Variants in IPO9 observed in about 807,000 individuals in gnomAD.
IPO9 encodes the protein importin 9, also known as importin-9.
Under a neutral mutation model 128.6 loss-of-function variants are expected in IPO9, and 28 were observed. The ratio of observed to expected loss-of-function variants is 0.22; its 90% CI spans 0.16 to 0.30. IPO9 has a LOEUF of 0.30. Ranked by LOEUF, IPO9 falls within the 10% of genes least tolerant of loss-of-function variation. The pLI, the probability that IPO9 is intolerant of heterozygous loss-of-function variation, is 1.00. For missense variants in IPO9, 935 were observed against 1,293.9 expected (o/e 0.72, Z 4.26); for synonymous variants, 455 against 475.8 (o/e 0.96, Z 0.57).
At chr1:201,848,364 A>G in intron 3 of IPO9, 29 bp from the exon 4 acceptor site, 1 of 1,586,092 alleles carries the variant, frequency 6.3e-7, no homozygotes, top group Non-Finnish European at 8.7e-7. Flanking sequence ...AACCTGATCT[A>G]ATAGCAGGTG....
At chr1:201,846,722 T>A (rs1375906808) in intron 1 of IPO9, among the ~76,000 whole-genome samples, 1 of 151,920 alleles carries the variant, frequency 6.6e-6, no homozygotes, top group Admixed American at 6.6e-5. Context: ...CAGGCTGGAG[T>A]ACAATGGTGC....
Position 201,877,213 on chromosome 1 carries a change from G to A in IPO9, c.*1159G>A, listed in dbSNP as rs1306975637. 2.0e-5 allele frequency: 3 copies of A among 152,160 alleles called. No homozygotes were observed. The highest frequency in any genetic ancestry group is 4.4e-5 in the Non-Finnish European group (3 of 68,024). 9.4% of individuals were successfully genotyped at this position (152,160 alleles called of 1,614,324 possible). ...AGTAAATGAGGATTAGAAAATCATG[G>A]AGAGAGGCTGGGCGCGGTGGCTAAC... On this transcript the variant is annotated 3_prime_UTR_variant, in exon 24 of 24. Coordinates refer to ENST00000361565, the MANE Select transcript of IPO9 (RefSeq NM_018085.5).
intron 19 of IPO9, among the ~76,000 whole-genome samples, chr1:201,872,306 G>T (rs1680667754): frequency 6.6e-6 from 1 of 152,070 alleles, no homozygotes; most frequent in Non-Finnish European, 1.5e-5. Flanking sequence ...TCACCTCGTT[G>T]CACCTTACAA....
At chr1:201,834,479 C>G (rs1679890492) in intron 1 of IPO9, among the ~76,000 whole-genome samples, 1 of 152,070 alleles carries the variant, frequency 6.6e-6, no homozygotes, top group African/African-American at 2.4e-5. Flanking sequence ...TGTATTCGTG[C>G]TTTATTTTTT....
intron 15 of IPO9, 128 bp from the exon 16 acceptor site, chr1:201,868,520 G>A (rs559722950): frequency 2.2e-5 from 21 of 940,126 alleles, no homozygotes; most frequent in South Asian, 1.3e-4. Flanking sequence ...ACTAGGTCCC[G>A]GGTATGTGAT....
At chr1:201,846,466 A>G (rs1413782856) in intron 1 of IPO9, among the ~76,000 whole-genome samples, 2 of 151,888 alleles carry the variant, frequency 1.3e-5, no homozygotes, top group African/African-American at 4.8e-5. Flanking sequence ...TCTGCCTCCC[A>G]GGTTCAAACA....
Position 201,884,273 on chromosome 1 carries a change from A to G in IPO9, c.*8219A>G, listed in dbSNP as rs950721846. The stretch of plus-strand genomic sequence containing the variant: ...CATGGAGTGATTGTGAGGATTAAAT[A>G]AAGTTAATATAACACAAAGCACTTC... On this transcript the variant is annotated 3_prime_UTR_variant, in exon 24 of 24. Coordinates refer to ENST00000361565, the MANE Select transcript of IPO9 (RefSeq NM_018085.5). 7 of 152,274 alleles carry G rather than the reference A, an allele frequency of 4.6e-5. No homozygotes were observed. The highest frequency in any genetic ancestry group is 1.7e-4 in the African/African-American group (7 of 41,474). The allele number at this position is 152,274 out of a possible 1,614,324, so 9.4% of individuals were successfully genotyped here. A position where few individuals can be genotyped will look rare whatever the true frequency, so the allele number is the denominator to read the frequency against.
chr1:201,841,632 G>A (rs1680038176), intron 1 of IPO9, among the ~76,000 whole-genome samples: 2 of 152,202 alleles, frequency 1.3e-5, no homozygotes, highest in Admixed American at 1.3e-4. Flanking sequence ...GTTCCTTGGA[G>A]GAGAAGTTGA....
At chr1:201,873,057 A>T (rs1218358964) in intron 20 of IPO9, 96 bp downstream of exon 20, 1 of 1,317,524 alleles carries the variant, frequency 7.6e-7, no homozygotes, top group Non-Finnish European at 1.0e-6. Flanking sequence ...GTATATTTTT[A>T]AAACAATTGT....
intron 6 of IPO9, among the ~76,000 whole-genome samples, chr1:201,853,647 T>C (rs1680266426): frequency 6.6e-6 from 1 of 152,078 alleles, no homozygotes; most frequent in African/African-American, 2.4e-5. Context: ...ACCTCCCAGG[T>C]TCAAGCAATC....
chr1:201,870,773 G>T lies in IPO9; in HGVS notation c.2324G>T (p.Gly775Val). The change falls in exon 18 of 24, where the codon GGG becomes GTG. Residue 775 changes from glycine (G) to valine (V), a missense_variant. By Grantham distance (109) the Gly-to-Val change is moderately radical (BLOSUM62 -3). Around this residue, in one of 3 missense-constraint regions of IPO9, gnomAD observed 741 missense variants for 1,019.1 expected, o/e 0.73. Transcript: ENST00000361565. The surrounding 1 kb of genome is among the most constrained non-coding windows in gnomAD (Gnocchi z 4.9). The part of the protein sequence containing the change: ...RLVSTLISKA[G>V]RELGENLDQI... Reference sequence around the variant, plus strand: ...GTTTCCACCCTCATCTCCAAGGCAGGGCGGGAACTCGGGGAGAATCTAGAC... The same window carrying T: ...GTTTCCACCCTCATCTCCAAGGCAGTGCGGGAACTCGGGGAGAATCTAGAC... 4 of 1,614,194 alleles carry T rather than the reference G, an allele frequency of 2.5e-6. No homozygotes were observed. Among genetic ancestry groups the T allele is most frequent in the Non-Finnish European group, 3.4e-6 (4 of 1,180,038 alleles).
intron 15 of IPO9, among the ~76,000 whole-genome samples, chr1:201,868,307 C>CT (rs11412063): frequency 0.41 from 55,832 of 136,628 alleles, 10,835 homozygotes; most frequent in Non-Finnish European, 0.44. Flanking sequence ...ATCAGTTGGG[C>CT]TTTTTTTTTT....
chr1:201,840,060 C>T (rs946765998), intron 1 of IPO9, among the ~76,000 whole-genome samples: 6 of 152,160 alleles, frequency 3.9e-5, no homozygotes, highest in Non-Finnish European at 7.3e-5. Context: ...TTGAATTAAC[C>T]ATTTATCACC....
Position 201,875,930 on chromosome 1 carries a change from G to C in IPO9, c.3016-14G>C. 1.9e-6 allele frequency: 3 copies of C among 1,544,342 alleles called. No individual in the cohort carries two copies. Among genetic ancestry groups the C allele is most frequent in the African/African-American group, 2.7e-5 (2 of 73,532 alleles). Reference sequence around the variant, plus strand: ...GCAATGTCTCACTAATGCCACTCTTGCTCTTTCCTCCAGGCATATCTCACA... The same window carrying C: ...GCAATGTCTCACTAATGCCACTCTTCCTCTTTCCTCCAGGCATATCTCACA... On this transcript the variant is annotated splice_polypyrimidine_tract_variant and intron_variant, in intron 23 of 23. Transcript: ENST00000361565.
intron 4 of IPO9, among the ~76,000 whole-genome samples, chr1:201,850,102 G>T (rs1051246170): frequency 2.6e-5 from 4 of 152,204 alleles, no homozygotes; most frequent in Non-Finnish European, 5.9e-5. Context: ...ATGCTGAAGA[G>T]CTCTTATTGT....
chr1:201,848,263 G>A, intron 3 of IPO9, 130 bp from the exon 4 acceptor site: 4 of 727,376 alleles, frequency 5.5e-6, no homozygotes, highest in Non-Finnish European at 9.6e-6. Flanking sequence ...TCAAGTTTGT[G>A]TATAGGAGTT....
At position 201,852,881 on chromosome 1, in the gene IPO9, C is replaced by G. The variant is rs987029071; in HGVS notation, c.604-130C>G. 5 of 698,136 alleles carry G rather than the reference C, an allele frequency of 7.2e-6. No individual in the cohort carries two copies. The African/African-American group carries it at 8.9e-5, about 12-fold the overall frequency. 43.2% of individuals were successfully genotyped at this position (698,136 alleles called of 1,614,324 possible). On this transcript the variant is annotated intron_variant, in intron 5 of 23. Transcript: ENST00000361565. ...CCTGGACATAAATGAATTACATTTC[C>G]CATTTCTCGAGGGCATCCAATCTCA...
In IPO9 at chr1:201,857,098, T is replaced by C; in HGVS notation, c.1125T>C (p.Ile375=). The C allele has an allele frequency of 1.3e-6, 2 of 1,590,452 alleles. No homozygotes were observed. Among genetic ancestry groups the C allele is most frequent in the Non-Finnish European group, 1.7e-6 (2 of 1,158,496 alleles). ...ILYMQITEEQ[I]KVWTANPQQF... ...AAGACATAACTTGATCTTTTCAGAT[T>C]AAAGTATGGACAGCCAACCCCCAAC... The change falls in exon 11 of 24, where the codon ATT becomes ATC. Residue 375 remains isoleucine (I), a splice_region_variant and synonymous_variant. Coordinates refer to ENST00000361565, the MANE Select transcript of IPO9 (RefSeq NM_018085.5).
Position 201,870,774 on chromosome 1 carries a change from G to A in IPO9, c.2325G>A (p.Gly775=), listed in dbSNP as rs200845690. The A allele has an allele frequency of 1.0e-4, 165 of 1,614,112 alleles. No homozygotes were observed. The highest frequency in any genetic ancestry group is 1.3e-4 in the Non-Finnish European group (159 of 1,180,052). ...RLVSTLISKA[G]RELGENLDQI... ...TTTCCACCCTCATCTCCAAGGCAGG[G>A]CGGGAACTCGGGGAGAATCTAGACC... The change falls in exon 18 of 24, where the codon GGG becomes GGA. Residue 775 remains glycine (G), a synonymous_variant. Coordinates refer to ENST00000361565, the MANE Select transcript of IPO9 (RefSeq NM_018085.5). The surrounding 1 kb of genome is among the most constrained non-coding windows in gnomAD (Gnocchi z 4.9).
Sources: gnomAD v4.1 joint callset for allele counts (sites outside exome capture counted in the v4.1 genomes callset) on GRCh38, gnomAD v4.1.1 for gene constraint, gnomAD v4.1.1 regional missense constraint, Gnocchi (gnomAD v3.1) non-coding constraint, MANE v1.5 for transcripts, NCBI Gene and HGNC (gene_info 2026-07-23, HGNC 2026-07-21) for gene names.